The following CR1L variants were observed in gnomAD, a reference collection of about 807,000 sequenced individuals.
CR1L encodes the protein complement C3b/C4b receptor 1 like.
CR1L carries 59 observed loss-of-function variants against 62.3 expected under a neutral mutation model. That is an observed-to-expected ratio of 0.95 (90% CI 0.77 to 1.18). The LOEUF is 1.18. Ranked by LOEUF, CR1L falls within the 50% of genes most tolerant of loss-of-function variation. The pLI, the probability that CR1L is intolerant of heterozygous loss-of-function variation, is 0.00. For synonymous variants in CR1L, 279 were observed against 248.7 expected (o/e 1.12, Z -1.15); for missense variants, 700 against 702.8 (o/e 1.00, Z 0.04).
chr1:207,708,177 G>A lies in CR1L; in HGVS notation c.1329-1G>A, dbSNP rs748662153. The A allele has an allele frequency of 1.1e-5, 18 of 1,611,186 alleles. No homozygotes were observed. Among genetic ancestry groups the A allele is most frequent in the South Asian group, 2.2e-5 (2 of 90,984 alleles). On this transcript the variant is annotated splice_acceptor_variant, in intron 9 of 11. Coordinates refer to ENST00000508064, the MANE Select transcript of CR1L (RefSeq NM_175710.2). LOFTEE classifies it high-confidence loss of function. ...AATTATTTTCCATTTTTTGCCTTTA[G>A]GCACCGACTCATTGGTCACTCATCT... is the stretch of plus-strand genomic sequence containing the variant.
intron 1 of CR1L, among the ~76,000 whole-genome samples, chr1:207,648,714 A>G (rs944690327): frequency 2.6e-5 from 4 of 152,168 alleles, no homozygotes; most frequent in African/African-American, 9.7e-5. Flanking sequence ...CTTATTTTCA[A>G]TGAAAGAAGC....
intron 10 of CR1L, among the ~76,000 whole-genome samples, chr1:207,713,852 A>C (rs562980819): frequency 6.6e-6 from 1 of 152,348 alleles, no homozygotes; most frequent in African/African-American, 2.4e-5. Context: ...CAACTCTGTC[A>C]GTTCCATCGC....
chr1:207,687,096 C>G (rs1407007316), intron 4 of CR1L, among the ~76,000 whole-genome samples: 1 of 152,194 alleles, frequency 6.6e-6, no homozygotes, highest in Non-Finnish European at 1.5e-5. Context: ...TTTCATCATC[C>G]CATTCCTGTT....
intron 7 of CR1L, among the ~76,000 whole-genome samples, chr1:207,698,223 A>G (rs1476834269): frequency 6.6e-6 from 1 of 152,198 alleles, no homozygotes; most frequent in Non-Finnish European, 1.5e-5. Context: ...GTAATTTAAG[A>G]GTCTCAGAAA....
intron 1 of CR1L, among the ~76,000 whole-genome samples, chr1:207,647,301 C>T (rs1663142366): frequency 6.6e-6 from 1 of 152,200 alleles, no homozygotes; most frequent in Admixed American, 6.5e-5. Context: ...GGCATCTGTG[C>T]TTTCTGTTCC....
chr1:207,720,663 A>AT (rs1654114405), intron 11 of CR1L, among the ~76,000 whole-genome samples: 1 of 152,196 alleles, frequency 6.6e-6, no homozygotes, highest in Admixed American at 6.5e-5. Context: ...TTAAAGCCAG[A>AT]ATTAATACAT....
rs1210649582 is a variant in CR1L, at chr1:207,694,500, C to T, written c.611C>T (p.Ser204Phe). 1.2e-6 allele frequency: 2 copies of T among 1,613,626 alleles called. No homozygotes were observed. The highest frequency in any genetic ancestry group is 1.1e-5 in the South Asian group (1 of 91,080). Residue 204 changes from serine to phenylalanine, a missense_variant, in exon 5 of 12, where the codon TCC (serine) becomes TTC (phenylalanine). Physicochemically the swap from Ser to Phe is radical, Grantham distance 155. Coordinates refer to ENST00000508064, the MANE Select transcript of CR1L (RefSeq NM_175710.2). ...KKVFELVGEP[S>F]IYCTSKDDQV... ...GTGTTTGAGCTTGTGGGTGAGCCCT[C>T]CATATACTGCACCAGCAAAGATGAT...
At chr1:207,674,515 C>T (rs1663659434) in intron 1 of CR1L, among the ~76,000 whole-genome samples, 1 of 152,074 alleles carries the variant, frequency 6.6e-6, no homozygotes, top group Non-Finnish European at 1.5e-5. Flanking sequence ...TCATATGTTC[C>T]TTTTTTGGGC....
At chr1:207,695,302 AT>A (rs528664024) in intron 5 of CR1L, among the ~76,000 whole-genome samples, 2 of 151,584 alleles carry the variant, frequency 1.3e-5, no homozygotes, top group African/African-American at 2.4e-5. Context: ...AATTTTTTAT[AT>A]TTTTTTTATA....
intron 1 of CR1L, among the ~76,000 whole-genome samples, chr1:207,674,029 T>C (rs1558015248): frequency 6.6e-6 from 1 of 152,204 alleles, no homozygotes; most frequent in Non-Finnish European, 1.5e-5. Flanking sequence ...TAGATAGAAC[T>C]CTAATTATGC....
At position 207,710,925 on chromosome 1, in the gene CR1L, A is replaced by G. The variant is rs139900758; in HGVS notation, c.1414+2662A>G. On this transcript the variant is annotated intron_variant, in intron 10 of 11. Coordinates refer to ENST00000508064, the MANE Select transcript of CR1L (RefSeq NM_175710.2). ...TTTTGGGGGAAGAAGCATGAAATTA[A>G]GAATCTGGGGTGTGCAAGCACTCAT... The G allele has an allele frequency of 4.4e-4, 399 of 898,494 alleles. 1 individual carries two copies. The East Asian group carries it at 0.011, about 24-fold the overall frequency. The allele number at this position is 898,494 out of a possible 1,614,324, so 55.7% of individuals were successfully genotyped here.
At chr1:207,677,831 G>A (rs1663722755) in intron 2 of CR1L, among the ~76,000 whole-genome samples, 1 of 152,166 alleles carries the variant, frequency 6.6e-6, no homozygotes, top group African/African-American at 2.4e-5. Flanking sequence ...CCATTTTCAT[G>A]ACTAAAATTA....
intron 11 of CR1L, 147 bp downstream of exon 11, chr1:207,717,838 A>G: frequency 1.0e-6 from 1 of 992,586 alleles, no homozygotes; most frequent in Non-Finnish European, 1.5e-6. Context: ...TGAATGACAA[A>G]TGGGTTCTAG....
At chr1:207,689,031 G>T (rs188179528) in intron 4 of CR1L, among the ~76,000 whole-genome samples, 1 of 151,864 alleles carries the variant, frequency 6.6e-6, no homozygotes, top group Non-Finnish European at 1.5e-5. Context: ...TATTGCATTG[G>T]CTAGAACCTC....
chr1:207,650,842 G>A (rs1453215976), intron 1 of CR1L, among the ~76,000 whole-genome samples: 7 of 151,680 alleles, frequency 4.6e-5, no homozygotes, highest in Non-Finnish European at 1.0e-4. Flanking sequence ...CTGGAGTGCA[G>A]TGGTGCAATC....
intron 1 of CR1L, among the ~76,000 whole-genome samples, chr1:207,676,012 C>G (rs551788199): frequency 1.7e-4 from 26 of 152,274 alleles, no homozygotes; most frequent in African/African-American, 6.3e-4. Flanking sequence ...TGTACTCCCA[C>G]TGAATCTGAG....
At chr1:207,676,219 A>T (rs190481714) in intron 1 of CR1L, among the ~76,000 whole-genome samples, 5 of 152,230 alleles carry the variant, frequency 3.3e-5, no homozygotes, top group African/African-American at 1.2e-4. Flanking sequence ...TCTTCAAACT[A>T]GCAGAGACTT....
At chr1:207,668,291 GA>G (rs1306515959) in intron 1 of CR1L, among the ~76,000 whole-genome samples, 2 of 151,158 alleles carry the variant, frequency 1.3e-5, no homozygotes, top group East Asian at 3.9e-4. Flanking sequence ...TGGACGAATG[GA>G]TAAATAAAAT....
intron 11 of CR1L, among the ~76,000 whole-genome samples, chr1:207,719,234 T>C (rs1654076614): frequency 7.2e-6 from 1 of 139,304 alleles, no homozygotes; most frequent in Non-Finnish European, 1.5e-5. Flanking sequence ...AATGTGCACA[T>C]GTACCCTAAA....
Sources: allele counts gnomAD v4.1 joint callset (sites outside exome capture counted in the v4.1 genomes callset), GRCh38; gene constraint gnomAD v4.1.1; transcripts MANE v1.5; gene names NCBI Gene and HGNC (gene_info 2026-07-23, HGNC 2026-07-21).